ZSCAN18: variants seen among roughly 807,000 people sequenced by gnomAD.
ZSCAN18 encodes zinc finger and SCAN domain containing 18.
A neutral mutation model predicts 31.1 loss-of-function variants in ZSCAN18; 16 were observed. The observed-to-expected ratio is 0.51, with a 90% CI of 0.35 to 0.78. The LOEUF (loss-of-function observed/expected upper bound fraction) is 0.78, where lower values mean the gene tolerates loss of function less well. Among genes scored for constraint, ZSCAN18 ranks in the 30% least tolerant of loss-of-function variants. The pLI, the probability that ZSCAN18 is intolerant of heterozygous loss-of-function variation, is 0.01. For synonymous variants in ZSCAN18, 375 were observed against 320.7 expected, an observed-to-expected ratio of 1.17 and a Z score of -1.81; for missense variants, 731 against 697.4, an observed-to-expected ratio of 1.05 and a Z score of -0.54.
chr19:58,087,552 C>T (rs995669273), intron 3 of ZSCAN18, 148 bp from the exon 4 acceptor site: 10 of 674,834 alleles, frequency 1.5e-5, no homozygotes, highest in Middle Eastern at 8.2e-4. Context: ...CTACACCTTT[C>T]CCTGATTTAC....
chr19:58,091,957 G>T (rs2074420588), intron 1 of ZSCAN18, among the ~76,000 whole-genome samples: 1 of 152,162 alleles, frequency 6.6e-6, no homozygotes, highest in East Asian at 1.9e-4. Context: ...AGGTCGTCAA[G>T]TTCTGCTCTG....
chr19:58,086,333 T>A (rs2074280008), intron 5 of ZSCAN18, 67 bp from the exon 6 acceptor site: 10 of 1,475,750 alleles, frequency 6.8e-6, no homozygotes, highest in Non-Finnish European at 9.4e-6. Context: ...GTGTTGTGTG[T>A]CGTGGGCCAG....
chr19:58,118,329 G>A, exon 1 of ZSCAN18: 2 of 1,531,032 alleles, frequency 1.3e-6, no homozygotes, highest in Non-Finnish European at 1.8e-6. Context: ...CCGAGAGGCC[G>A]CGAGAGGACG....
chr19:58,091,767 C>G (rs994671434), intron 1 of ZSCAN18, among the ~76,000 whole-genome samples: 3 of 152,198 alleles, frequency 2.0e-5, no homozygotes, highest in Non-Finnish European at 4.4e-5. Context: ...GCTCTCATGT[C>G]ACTGGCTATG....
chr19:58,094,992 G>A (rs2074493408), intron 1 of ZSCAN18, among the ~76,000 whole-genome samples: 1 of 152,070 alleles, frequency 6.6e-6, no homozygotes, highest in African/African-American at 2.4e-5. Flanking sequence ...AGGAGTTGGA[G>A]GCTGCAGTGA....
chr19:58,090,599 T>G lies in ZSCAN18; in HGVS notation c.-119-213A>C. The G allele has an allele frequency of 2.2e-6, 1 of 457,686 alleles. No individual in the cohort carries two copies. Among genetic ancestry groups the G allele is most frequent in the Non-Finnish European group, 3.8e-6 (1 of 266,234 alleles). 28.4% of individuals were successfully genotyped at this position (457,686 alleles called of 1,614,324 possible). A position where few individuals can be genotyped will look rare whatever the true frequency, so the allele number is the denominator to read the frequency against. ...TCATTCTGTGCATTACCAGAATTTT[T>G]TTTTCTTTGAGACCGAGTCACCCTC... On this transcript the variant is annotated intron_variant, in intron 1 of 6. Transcript: ENST00000601144. This position sits in a 1 kb window ranked among gnomAD's most constrained non-coding sequence, Gnocchi z 4.7.
chr19:58,084,823 C>T lies in ZSCAN18; in HGVS notation c.1395G>A (p.Lys465=). ...CGCCCCCCAGCGCGTAGCTTTTCTC[C>T]TTCTCGTGGGTCTTCTGGTGCTCGG... ...ALAEHQKTHE[K]EKSYALGGAR... is the part of the protein sequence containing the mutation. The change falls in exon 7 of 7, where the codon AAG becomes AAA. Residue 465 remains lysine (K), a synonymous_variant. Coordinates refer to ENST00000601144, the MANE Select transcript of ZSCAN18 (RefSeq NM_001145543.2). The surrounding 1 kb of genome is among the most constrained non-coding windows in gnomAD (Gnocchi z 4.5). 6 of 1,594,116 alleles carry T rather than the reference C, an allele frequency of 3.8e-6. No homozygotes were observed. Among genetic ancestry groups the T allele is most frequent in the East Asian group, 2.3e-5 (1 of 44,234 alleles).
chr19:58,089,829 T>A (rs373427283), intron 2 of ZSCAN18, 36 bp downstream of exon 2: 17 of 1,555,560 alleles, frequency 1.1e-5, no homozygotes, highest in Non-Finnish European at 1.4e-5. Flanking sequence ...CCTCCCCATC[T>A]CCTCTGAGCC....
chr19:58,109,106 G>C (rs774642175), intron 1 of ZSCAN18: 20 of 1,228,004 alleles, frequency 1.6e-5, no homozygotes, highest in Non-Finnish European at 2.0e-5. Context: ...GGGTCCTTGT[G>C]TGTGGATGCT....
intron 1 of ZSCAN18, among the ~76,000 whole-genome samples, chr19:58,096,642 CG>C (rs2074524981): frequency 6.6e-6 from 1 of 152,296 alleles, no homozygotes; most frequent in Admixed American, 6.5e-5. Flanking sequence ...GAATATTCAT[CG>C]CAGCTCTCCA....
chr19:58,090,404 A>C lies in ZSCAN18; in HGVS notation c.-119-18T>G. 6.6e-7 allele frequency: 1 copy of C among 1,511,890 alleles called. No homozygotes were observed. Among genetic ancestry groups the C allele is most frequent in the South Asian group, 1.3e-5 (1 of 77,168 alleles). The allele number at this position is 1,511,890 out of a possible 1,614,324, so 93.7% of individuals were successfully genotyped here. Reference sequence around the variant, plus strand: ...CCACAGACCTGCAGAGGACACGGACAAGGCAATGGCCTTGCATAAGGCCAG... The same window carrying C: ...CCACAGACCTGCAGAGGACACGGACCAGGCAATGGCCTTGCATAAGGCCAG... On this transcript the variant is annotated intron_variant, in intron 1 of 6. Transcript: ENST00000601144. The surrounding 1 kb of genome is among the most constrained non-coding windows in gnomAD (Gnocchi z 4.7).
intron 1 of ZSCAN18, among the ~76,000 whole-genome samples, chr19:58,116,985 T>C (rs2074735504): frequency 6.6e-6 from 1 of 152,162 alleles, no homozygotes; most frequent in Admixed American, 6.6e-5. Flanking sequence ...CCTCCCAGGT[T>C]CAAGCGATCC....
At position 58,085,127 on chromosome 19, in the gene ZSCAN18, G is replaced by A. The variant is rs756298513; in HGVS notation, c.1091C>T (p.Thr364Met). 8.1e-6 allele frequency: 13 copies of A among 1,608,250 alleles called. No individual in the cohort carries two copies. The highest frequency in any genetic ancestry group is 1.1e-5 in the Non-Finnish European group (13 of 1,177,642). Residue 364 changes from threonine to methionine, a missense_variant, in exon 7 of 7, where the codon ACG becomes ATG. Coordinates refer to ENST00000601144, the MANE Select transcript of ZSCAN18 (RefSeq NM_001145543.2). ...VIQQPAPDRG[T>M]AKLGTKRPHP... is the part of the protein sequence containing the mutation. Reference sequence around the variant, plus strand: ...CGGCCTCTTGGTTCCCAGTTTCGCCGTGCCCCTGTCCGGGGCAGGCTGCTG... The same window carrying A: ...CGGCCTCTTGGTTCCCAGTTTCGCCATGCCCCTGTCCGGGGCAGGCTGCTG...
chr19:58,091,146 G>T (rs1432413815), intron 1 of ZSCAN18, among the ~76,000 whole-genome samples: 1 of 151,192 alleles, frequency 6.6e-6, no homozygotes, highest in Non-Finnish European at 1.5e-5. Flanking sequence ...GTGGGTGCCT[G>T]TATTCCCAGC....
rs764327994 is a variant in ZSCAN18 at position 58,085,339 on chromosome 19, C to T, written c.879G>A (p.Glu293=). 2.0e-5 allele frequency: 32 copies of T among 1,593,500 alleles called. No homozygotes were observed. Among genetic ancestry groups the T allele is most frequent in the African/African-American group, 4.0e-5 (3 of 74,738 alleles). The change falls in exon 7 of 7, where the codon GAG becomes GAA. Residue 293 remains glutamate, a synonymous_variant. Transcript: ENST00000601144. ...GCAGCACCCCCGCGGGGGCGGCCTC[C>T]TCGCAGGCGCACCCAGCGCTCTCCT... ...RRQESAGCAC[E]EAAPAGVLPE...
intron 1 of ZSCAN18, among the ~76,000 whole-genome samples, chr19:58,115,930 C>T (rs1039697788): frequency 1.3e-5 from 2 of 151,794 alleles, no homozygotes; most frequent in Non-Finnish European, 2.9e-5. Flanking sequence ...CTGGTGGAAA[C>T]GCTGAAAACC....
chr19:58,114,787 T>C (rs981063811), intron 1 of ZSCAN18, among the ~76,000 whole-genome samples: 3 of 152,150 alleles, frequency 2.0e-5, no homozygotes, highest in Admixed American at 2.0e-4. Context: ...TTTCTCAACT[T>C]TTCTGTTAGA....
At chr19:58,102,324 G>A (rs1437881551), upstream of ZSCAN18, among the ~76,000 whole-genome samples, 1 of 152,106 alleles carries the variant, frequency 6.6e-6, no homozygotes, top group Non-Finnish European at 1.5e-5. Context: ...AGCCGGGCAT[G>A]GTGGCGGGCG....
chr19:58,116,669 T>C (rs2074732651), intron 1 of ZSCAN18, among the ~76,000 whole-genome samples: 1 of 152,100 alleles, frequency 6.6e-6, no homozygotes, highest in Non-Finnish European at 1.5e-5. Context: ...AGCTCCATCA[T>C]CATCACCTGC....
Sources: allele counts gnomAD v4.1 joint callset (sites outside exome capture counted in the v4.1 genomes callset), GRCh38; gene constraint gnomAD v4.1.1; non-coding constraint Gnocchi (gnomAD v3.1); transcripts MANE v1.5; gene names NCBI Gene and HGNC (gene_info 2026-07-23, HGNC 2026-07-21).